The following ROBO2 variants were observed in gnomAD, a reference collection of about 807,000 sequenced individuals.
ROBO2 encodes roundabout guidance receptor 2.
In ROBO2, 53 loss-of-function variants were observed where a neutral mutation model predicts 160.8. The ratio of observed to expected loss-of-function variants is 0.33; its 90% CI spans 0.26 to 0.41. The LOEUF (loss-of-function observed/expected upper bound fraction) is 0.41, where lower values mean the gene tolerates loss of function less well. Ranked by LOEUF, ROBO2 falls within the 10% of genes least tolerant of loss-of-function variation. The pLI, the probability that ROBO2 is intolerant of heterozygous loss-of-function variation, is 1.00. For missense variants in ROBO2, 1,577 were observed against 1,722.4 expected (o/e 0.92, Z 1.49); for synonymous variants, 664 against 611.7 (o/e 1.09, Z -1.26).
In ROBO2 at chr3:76,214,137, A is replaced by G. The variant is rs143648116; in HGVS notation, c.109+276535A>G. ...CCTTGTCAATTTGGCACCCATACGC[A>G]TCTCCTTAAACTATACTTGCTCTTC... is the stretch of plus-strand genomic sequence containing the variant. On this transcript the variant is annotated intron_variant, in intron 2 of 26. Transcript: ENST00000487694. 1.4e-4 allele frequency among the ~76,000 whole-genome samples: 21 copies of G among 152,288 alleles called. No homozygotes were observed. In the East Asian group the frequency reaches 3.3e-3, roughly 24 times the overall value.
chr3:76,177,671 C>T (rs895583710), intron 2 of ROBO2, among the ~76,000 whole-genome samples: 1 of 152,110 alleles, frequency 6.6e-6, no homozygotes, highest in Non-Finnish European at 1.5e-5. Context: ...AATTGTAATT[C>T]CCCTCCCACT....
chr3:76,443,386 G>GTC (rs1235098197), intron 2 of ROBO2, among the ~76,000 whole-genome samples: 2 of 152,002 alleles, frequency 1.3e-5, no homozygotes, highest in Non-Finnish European at 2.9e-5. Flanking sequence ...ACCATCCATG[G>GTC]TCTCCCGCAT....
intron 2 of ROBO2, among the ~76,000 whole-genome samples, chr3:76,144,563 G>A (rs2071814740): frequency 2.0e-5 from 3 of 152,036 alleles, no homozygotes. Context: ...ATAGGTTTTA[G>A]ACACAATTGG....
At chr3:77,407,272 G>T (rs2076331306) in intron 2 of ROBO2, among the ~76,000 whole-genome samples, 1 of 152,028 alleles carries the variant, frequency 6.6e-6, no homozygotes, top group Admixed American at 6.6e-5. Context: ...TCATGAGTGG[G>T]TTGGCCAAAT....
chr3:76,089,917 T>TA (rs1222715492), intron 2 of ROBO2, among the ~76,000 whole-genome samples: 1 of 152,030 alleles, frequency 6.6e-6, no homozygotes, highest in Admixed American at 6.6e-5. Context: ...ATTGTTGACA[T>TA]AAAAAAATCC....
chr3:77,639,626 G>C (rs908803824), intron 24 of ROBO2, among the ~76,000 whole-genome samples: 1 of 152,192 alleles, frequency 6.6e-6, no homozygotes, highest in Admixed American at 6.5e-5. Context: ...TATGACTGGA[G>C]CAGAGAGAGA....
At chr3:77,098,066 C>T (rs1258028092) in exon 2 of ROBO2, 30 of 1,598,628 alleles carry the variant, frequency 1.9e-5, no homozygotes, top group Middle Eastern at 1.7e-4. Context: ...AGCATCCTTC[C>T]GATGTCATCG....
At chr3:77,218,527 C>A (rs1157198281) in intron 2 of ROBO2, among the ~76,000 whole-genome samples, 1 of 152,040 alleles carries the variant, frequency 6.6e-6, no homozygotes, top group Non-Finnish European at 1.5e-5. Flanking sequence ...CACCCACAAG[C>A]ATGCCTGGCT....
intron 23 of ROBO2, chr3:77,632,538 T>C: frequency 6.5e-7 from 1 of 1,535,824 alleles, no homozygotes; most frequent in Non-Finnish European, 8.7e-7. Flanking sequence ...GTCATAGATC[T>C]AGTGTAGGTA....
At chr3:77,142,889 T>C (rs1287640936) in intron 2 of ROBO2, among the ~76,000 whole-genome samples, 5 of 152,152 alleles carry the variant, frequency 3.3e-5, no homozygotes, top group African/African-American at 1.2e-4. Context: ...AGCCCTGTTT[T>C]TACAAGTGAA....
At chr3:77,056,056 C>T (rs977366889) in intron 1 of ROBO2, among the ~76,000 whole-genome samples, 1 of 152,146 alleles carries the variant, frequency 6.6e-6, no homozygotes, top group East Asian at 1.9e-4. Context: ...AAATTTCCTT[C>T]CGTGGGAAAA....
intron 2 of ROBO2, among the ~76,000 whole-genome samples, chr3:77,470,010 C>T (rs936917220): frequency 1.2e-4 from 18 of 152,124 alleles, no homozygotes; most frequent in African/African-American, 4.3e-4. Flanking sequence ...TTCAGAAAGG[C>T]ACAGGCAAAA....
At chr3:76,499,128 T>G (rs2080321991) in intron 2 of ROBO2, among the ~76,000 whole-genome samples, 1 of 152,206 alleles carries the variant, frequency 6.6e-6, no homozygotes, top group South Asian at 2.1e-4. Context: ...AAATCCATTC[T>G]TAGTAAGATG....
chr3:77,403,959 G>A (rs373186200), intron 2 of ROBO2, among the ~76,000 whole-genome samples: 11 of 152,010 alleles, frequency 7.2e-5, no homozygotes, highest in African/African-American at 2.7e-4. Flanking sequence ...CTCGAAAATG[G>A]TTGGTTTTCA....
chr3:75,991,726 C>A (rs2065578836), intron 2 of ROBO2, among the ~76,000 whole-genome samples: 1 of 152,010 alleles, frequency 6.6e-6, no homozygotes, highest in South Asian at 2.1e-4. Flanking sequence ...GTTGGGAGGG[C>A]TCAAAAGTCA....
At chr3:77,125,057 T>C (rs2075183486) in intron 2 of ROBO2, among the ~76,000 whole-genome samples, 1 of 152,158 alleles carries the variant, frequency 6.6e-6, no homozygotes, top group African/African-American at 2.4e-5. Flanking sequence ...GGGAAGAATC[T>C]AGGCAATTTT....
chr3:77,214,934 T>C (rs540398744), intron 2 of ROBO2, among the ~76,000 whole-genome samples: 1 of 152,244 alleles, frequency 6.6e-6, no homozygotes, highest in East Asian at 1.9e-4. Context: ...TTGTAGAGTG[T>C]CTGCCGAGAG....
chr3:77,556,065 G>T lies in ROBO2; in HGVS notation c.1232-1879G>T, dbSNP rs148290810. ...AAGAAGTTACCTGAATTCTGCATAG[G>T]TATTTAATTTGGAAAAAAAATCGTT... On this transcript the variant is annotated intron_variant, in intron 8 of 25. Transcript: ENST00000461745. Among the ~76,000 whole-genome samples, 3 of 116,116 alleles carry T rather than the reference G, an allele frequency of 2.6e-5. No individual in the cohort carries two copies. The Admixed American group carries it at 2.9e-4, about 11-fold the overall frequency. The allele number at this position is 116,116 out of a possible 152,430, so 76.2% of individuals were successfully genotyped here. A position where few individuals can be genotyped will look rare whatever the true frequency, so the allele number is the denominator to read the frequency against.
At chr3:76,088,855 T>C (rs2069119119) in intron 2 of ROBO2, among the ~76,000 whole-genome samples, 1 of 151,246 alleles carries the variant, frequency 6.6e-6, no homozygotes, top group East Asian at 1.9e-4. Context: ...AAAGAAATAA[T>C]AAAAATTAGT....
Sources: allele counts gnomAD v4.1 joint callset (sites outside exome capture counted in the v4.1 genomes callset), GRCh38; gene constraint gnomAD v4.1.1; transcripts MANE v1.5; gene names NCBI Gene and HGNC (gene_info 2026-07-23, HGNC 2026-07-21).